DDX5: variants seen among roughly 807,000 people sequenced by gnomAD.
DDX5 encodes the protein probable ATP-dependent RNA helicase DDX5.
Under a neutral mutation model 68.6 loss-of-function variants are expected in DDX5, and 6 were observed. The observed-to-expected ratio is 0.09, with a 90% CI of 0.05 to 0.17. DDX5 has a LOEUF of 0.17. Ranked by LOEUF, DDX5 falls within the 10% of genes least tolerant of loss-of-function variation. The pLI, the probability that DDX5 is intolerant of heterozygous loss-of-function variation, is 1.00. For synonymous variants in DDX5, 350 were observed against 247.0 expected (o/e 1.42, Z -3.91); for missense variants, 499 against 756.1 (o/e 0.66, Z 3.99).
Position 64,504,092 on chromosome 17 carries a change from C to G in DDX5, c.332G>C (p.Arg111Thr), listed in dbSNP as rs1568104698. 6.2e-7 allele frequency: 1 copy of G among 1,614,092 alleles called. No individual in the cohort carries two copies. Among genetic ancestry groups the G allele is most frequent in the Non-Finnish European group, 8.5e-7 (1 of 1,179,982 alleles). Residue 111 changes from arginine (R) to threonine (T), a missense_variant, in exon 4 of 13, where the codon AGA (arginine) becomes ACA (threonine). By Grantham distance (71) the Arg-to-Thr change is moderately conservative. Transcript: ENST00000225792. ...AGCAGTGGGTTCAGTGAAATTCTGTCTTGCAATAACATCCATGACATTTGC... is the reference window on the plus strand; with the variant it reads ...AGCAGTGGGTTCAGTGAAATTCTGTGTTGCAATAACATCCATGACATTTGC... Reference protein sequence around the residue: ...FPANVMDVIARQNFTEPTAIQ... With the variant: ...FPANVMDVIATQNFTEPTAIQ...
rs377223705 is a variant in DDX5 at position 64,501,900 on chromosome 17, G to GA, written c.1216+109dup. 2.0e-4 allele frequency: 231 copies of GA among 1,173,188 alleles called. No homozygotes were observed. In the East Asian group the frequency reaches 2.3e-3, roughly 12 times the overall value. 72.7% of individuals were successfully genotyped at this position (1,173,188 alleles called of 1,614,324 possible). A position where few individuals can be genotyped will look rare whatever the true frequency, so the allele number is the denominator to read the frequency against. On this transcript the variant is annotated intron_variant, in intron 11 of 12. Coordinates refer to ENST00000225792, the MANE Select transcript of DDX5 (RefSeq NM_004396.5). ...TGCCACAAAGACAGCACCTTTATGTGAAAAAAAACTTAGAAAAAATGCAGG... is the reference window on the plus strand; with the variant it reads ...TGCCACAAAGACAGCACCTTTATGTGAAAAAAAAACTTAGAAAAAATGCAGG...
rs986100351 is a variant in DDX5 at position 64,505,884 on chromosome 17, G to A, written c.44+192C>T. The A allele has an allele frequency of 1.1e-4, 166 of 1,535,712 alleles. 1 individual carries two copies. Among genetic ancestry groups the A allele is most frequent in the South Asian group, 9.0e-4 (76 of 84,064 alleles). On this transcript the variant is annotated intron_variant, in intron 1 of 12. Transcript: ENST00000225792. Reference sequence around the variant, plus strand: ...TCCCCACACAAAAAGCAAGCTTGAAGACACTACACCGTCAAATCTCTTCCA... The same window carrying A: ...TCCCCACACAAAAAGCAAGCTTGAAAACACTACACCGTCAAATCTCTTCCA...
At position 64,502,421 on chromosome 17, in the gene DDX5, G is replaced by A. The variant is rs2038320199; in HGVS notation, c.1094+18C>T. ...GCTGTTTTAATCAATCTGCTTCAAT[G>A]GAGGAGCTCACACATACCCATCTCT... On this transcript the variant is annotated intron_variant, in intron 9 of 12. Coordinates refer to ENST00000225792, the MANE Select transcript of DDX5 (RefSeq NM_004396.5). The A allele has an allele frequency of 6.4e-7, 1 of 1,563,304 alleles. No homozygotes were observed. The highest frequency in any genetic ancestry group is 8.8e-7 in the Non-Finnish European group (1 of 1,134,156).
chr17:64,500,287 C>T lies in DDX5; in HGVS notation c.1481G>A (p.Arg494Gln), dbSNP rs928420604. ...CCTTTTGCCCGCAGAGTATCTGTCC[C>T]GACGGTCATCCTTCATGCCTCCTCT... is the stretch of plus-strand genomic sequence containing the variant. The part of the protein sequence containing the change: ...RGRGGMKDDR[R>Q]DRYSAGKRGG... The change falls in exon 13 of 13, where the codon CGG becomes CAG. Residue 494 changes from arginine (R) to glutamine (Q), a missense_variant. By Grantham distance (43) the Arg-to-Gln change is conservative. Transcript: ENST00000225792. The T allele has an allele frequency of 3.1e-6, 5 of 1,613,118 alleles. No individual in the cohort carries two copies. The highest frequency in any genetic ancestry group is 1.3e-5 in the African/African-American group (1 of 74,884).
chr17:64,500,448 T>G, intron 12 of DDX5, 101 bp downstream of exon 12: 1 of 1,519,100 alleles, frequency 6.6e-7, no homozygotes, highest in South Asian at 1.2e-5. Context: ...AGCTTAAGTT[T>G]TCACATTCAA....
chr17:64,505,863 C>A, intron 1 of DDX5: 1 of 1,535,800 alleles, frequency 6.5e-7, no homozygotes, highest in South Asian at 1.2e-5. Context: ...CCCCAATCCC[C>A]ACACAAAAAG....
At position 64,498,845 on chromosome 17, in the gene DDX5, A is replaced by AACCT. The variant is rs1399669290; in HGVS notation, c.*1074_*1077dup. On this transcript the variant is annotated 3_prime_UTR_variant, in exon 13 of 13. Coordinates refer to ENST00000225792, the MANE Select transcript of DDX5 (RefSeq NM_004396.5). ...TCTTTCTAGCAATAAACCCATGTTGAACCTACCATGAAAACTTTCATTCAC... is the reference window on the plus strand; with the variant it reads ...TCTTTCTAGCAATAAACCCATGTTGAACCTACCTACCATGAAAACTTTCATTCAC... 6.6e-6 allele frequency among the ~76,000 whole-genome samples: 1 copy of AACCT among 152,244 alleles called. No individual in the cohort carries two copies. The highest frequency in any genetic ancestry group is 1.5e-5 in the Non-Finnish European group (1 of 68,044).
At position 64,500,268 on chromosome 17, in the gene DDX5, G is replaced by C; in HGVS notation, c.1500C>G (p.Gly500=). Residue 500 remains glycine, a synonymous_variant, in exon 13 of 13, where the codon GGC becomes GGG. Coordinates refer to ENST00000225792, the MANE Select transcript of DDX5 (RefSeq NM_004396.5). ...TAAAGGTATTAAATCCACCCCTTTT[G>C]CCCGCAGAGTATCTGTCCCGACGGT... The part of the protein sequence containing the change: ...KDDRRDRYSA[G]KRGGFNTFRD... 2 of 1,614,054 alleles carry C rather than the reference G, an allele frequency of 1.2e-6. No individual in the cohort carries two copies. The highest frequency in any genetic ancestry group is 1.7e-6 in the Non-Finnish European group (2 of 1,179,992).
chr17:64,505,960 C>T (rs1555672389), intron 1 of DDX5, 116 bp downstream of exon 1: 2 of 1,538,898 alleles, frequency 1.3e-6, no homozygotes, highest in African/African-American at 1.4e-5. Flanking sequence ...GAAAGGAAGT[C>T]CCAAGATAGC....
chr17:64,506,027 C>CA (rs2144288605), intron 1 of DDX5, 49 bp downstream of exon 1: 16 of 1,467,688 alleles, frequency 1.1e-5, no homozygotes, highest in Non-Finnish European at 1.5e-5. Flanking sequence ...CTGACCCGCC[C>CA]TCCCATCCCC....
rs782681835 is a variant in DDX5, at chr17:64,503,414, C to G, written c.649+16G>C. 1.2e-6 allele frequency: 2 copies of G among 1,613,858 alleles called. No homozygotes were observed. Among genetic ancestry groups the G allele is most frequent in the African/African-American group, 1.3e-5 (1 of 74,884 alleles). On this transcript the variant is annotated intron_variant, in intron 6 of 12. Coordinates refer to ENST00000225792, the MANE Select transcript of DDX5 (RefSeq NM_004396.5). ...ATTTAGCACCAATGACAAATAAAAC[C>G]CTTTTCATTACATACCTCTCTCCAA...
intron 1 of DDX5, chr17:64,505,620 C>T (rs1041093511): frequency 9.6e-7 from 1 of 1,038,446 alleles, no homozygotes; most frequent in Non-Finnish European, 1.4e-6. Context: ...ATTTTGTACT[C>T]GCGACTCAGC....
At chr17:64,503,625 C>T in intron 5 of DDX5, 54 bp from the exon 6 acceptor site, 1 of 1,601,022 alleles carries the variant, frequency 6.2e-7, no homozygotes, top group Non-Finnish European at 8.5e-7. Context: ...TTTTAAACTG[C>T]TAACTTATTA....
intron 1 of DDX5, chr17:64,505,802 C>T (rs2038475968): frequency 2.0e-6 from 3 of 1,536,148 alleles, no homozygotes; most frequent in South Asian, 2.4e-5. Flanking sequence ...GCACAATACG[C>T]TCCCTCTCAA....
At chr17:64,500,881 G>C in intron 11 of DDX5, 108 bp from the exon 12 acceptor site, 2 of 780,754 alleles carry the variant, frequency 2.6e-6, no homozygotes, top group Non-Finnish European at 4.2e-6. Flanking sequence ...AGAAGGTACG[G>C]GCTGCAAAAA....
At chr17:64,506,355 G>C (rs892757179), upstream of DDX5, 5 of 1,449,446 alleles carry the variant, frequency 3.4e-6, no homozygotes, top group East Asian at 5.1e-5. Flanking sequence ...GGAACGCTGG[G>C]AGCCGCTCTA....
At chr17:64,503,660 G>A (rs576354002) in intron 5 of DDX5, 89 bp from the exon 6 acceptor site, 6 of 1,567,694 alleles carry the variant, frequency 3.8e-6, no homozygotes, top group Admixed American at 3.6e-5. Context: ...TTCTTCATGT[G>A]TTGTCCAATA....
rs1555671581 is a variant in DDX5, at chr17:64,503,888, G to A, written c.442-20C>T. The A allele has an allele frequency of 6.2e-7, 1 of 1,613,964 alleles. No homozygotes were observed. Among genetic ancestry groups the A allele is most frequent in the Non-Finnish European group, 8.5e-7 (1 of 1,179,956 alleles). ...CAAATACTATTTAGGGTGAAAGTGG[G>A]GACAAACAGAAATCACATTAAAATA... On this transcript the variant is annotated intron_variant, in intron 4 of 12. Transcript: ENST00000225792.
At chr17:64,503,686 G>A (rs992345067) in intron 5 of DDX5, 115 bp from the exon 6 acceptor site, 13 of 1,528,246 alleles carry the variant, frequency 8.5e-6, no homozygotes, top group Non-Finnish European at 1.2e-5. Flanking sequence ...AACAGCTCCA[G>A]CTGAATAGGG....
Sources: allele counts gnomAD v4.1 joint callset (sites outside exome capture counted in the v4.1 genomes callset), GRCh38; gene constraint gnomAD v4.1.1; transcripts MANE v1.5; gene names NCBI Gene and HGNC (gene_info 2026-07-23, HGNC 2026-07-21).